The following CXorf38 variants were observed in gnomAD, a reference collection of about 807,000 sequenced individuals.
The protein encoded by CXorf38 is uncharacterized protein CXorf38.
Under a neutral mutation model 27.5 loss-of-function variants are expected in CXorf38, and 13 were observed. The ratio of observed to expected loss-of-function variants is 0.47; its 90% CI spans 0.31 to 0.75. CXorf38 has a LOEUF of 0.75. Among genes scored for constraint, CXorf38 ranks in the 30% least tolerant of loss-of-function variants. CXorf38 has a pLI of 0.05. For synonymous variants in CXorf38, 100 were observed against 99.8 expected (o/e 1.00, Z -0.01); for missense variants, 240 against 253.2 (o/e 0.95, Z 0.35).
intron 2 of CXorf38, chrX:40,640,400 A>C: frequency 4.5e-6 from 1 of 220,498 alleles, no homozygotes; most frequent in Non-Finnish European, 8.4e-6. Context: ...TTGAAAACAC[A>C]TATCAATAGG....
At chrX:40,630,505 C>A in intron 6 of CXorf38, 109 bp downstream of exon 6, 1 of 794,762 alleles carries the variant, frequency 1.3e-6, no homozygotes, top group Non-Finnish European at 1.8e-6. Flanking sequence ...CAAAGGCAAA[C>A]TTCAGATTAG....
chrX:40,638,887 G>T, intron 3 of CXorf38, 122 bp downstream of exon 3: 1 of 810,251 alleles, frequency 1.2e-6, no homozygotes, highest in Non-Finnish European at 1.7e-6. Flanking sequence ...CCACTGTTCC[G>T]GGGAGCTACT....
chrX:40,632,239 C>A (rs1927850940), intron 5 of CXorf38, among the ~76,000 whole-genome samples: 1 of 111,684 alleles, frequency 9.0e-6, no homozygotes, highest in Non-Finnish European at 1.9e-5. Flanking sequence ...TGGACTTTTG[C>A]CCTCAGTGGG....
At position 40,630,917 on chromosome X, in the gene CXorf38, G is replaced by A. The variant is rs1201808694; in HGVS notation, c.802-144C>T. ...TCTTGGCTACAGGCATCTGTCCACAGACAGGTTAAAGTTTGAAAAACAAAA... is the reference window on the plus strand; with the variant it reads ...TCTTGGCTACAGGCATCTGTCCACAAACAGGTTAAAGTTTGAAAAACAAAA... On this transcript the variant is annotated intron_variant, in intron 5 of 6. Transcript: ENST00000327877. 4 of 451,037 alleles carry A rather than the reference G, an allele frequency of 8.9e-6. No individual in the cohort carries two copies. In the Admixed American group the frequency reaches 1.9e-4, roughly 22 times the overall value. 37.2% of individuals were successfully genotyped at this position (451,037 alleles called of 1,213,427 possible).
At chrX:40,631,252 TATACACAC>T (rs1440025317) in intron 5 of CXorf38, among the ~76,000 whole-genome samples, 683 of 37,636 alleles carry the variant, frequency 0.018, 4 homozygotes, top group African/African-American at 0.048. Flanking sequence ...TGTATATATA[TATACACAC>T]ACACACACAC....
rs1927726754 is a variant in CXorf38 at position 40,630,542 on chromosome X, C to G, written c.*1+72G>C. Reference sequence around the variant, plus strand: ...TTGTTGTGTGTTCATGATGGCCTCACATGAGAGAATAGACATGAAAGAGAT... The same window carrying G: ...TTGTTGTGTGTTCATGATGGCCTCAGATGAGAGAATAGACATGAAAGAGAT... On this transcript the variant is annotated intron_variant, in intron 6 of 6. Coordinates refer to ENST00000327877, the MANE Select transcript of CXorf38 (RefSeq NM_144970.3). 6 of 1,014,283 alleles carry G rather than the reference C, an allele frequency of 5.9e-6. No individual in the cohort carries two copies. The South Asian group carries it at 1.4e-4, about 23-fold the overall frequency. 83.6% of individuals were successfully genotyped at this position (1,014,283 alleles called of 1,213,427 possible). A position where few individuals can be genotyped will look rare whatever the true frequency, so the allele number is the denominator to read the frequency against.
rs868047140 is a variant in CXorf38, at chrX:40,631,245, A to G, written c.802-472T>C. On this transcript the variant is annotated intron_variant, in intron 5 of 6. Transcript: ENST00000327877. ...CATGTGTATATATATGTGTGTATGT[A>G]TATATATATACACACACACACACAC... Among the ~76,000 whole-genome samples, 31 of 47,003 alleles carry G rather than the reference A, an allele frequency of 6.6e-4. No homozygotes were observed. The Middle Eastern group carries it at 0.03, about 45-fold the overall frequency. 40.8% of individuals were successfully genotyped at this position (47,003 alleles called of 115,157 possible). A position where few individuals can be genotyped will look rare whatever the true frequency, so the allele number is the denominator to read the frequency against.
rs370423098 is a variant in CXorf38, at chrX:40,647,168, C to T, written c.217-27G>A. 9 of 1,206,456 alleles carry T rather than the reference C, an allele frequency of 7.5e-6. No individual in the cohort carries two copies. In the African/African-American group the frequency reaches 1.4e-4, roughly 19 times the overall value. On this transcript the variant is annotated intron_variant, in intron 1 of 6. Coordinates refer to ENST00000327877, the MANE Select transcript of CXorf38 (RefSeq NM_144970.3). ...TACAGGGGGCGGCGGTGAGGAGGGG[C>T]CCAGGAGGGAGGGACGTCGCGGTGG...
intron 3 of CXorf38, among the ~76,000 whole-genome samples, chrX:40,638,177 TCTTTAGAA>T (rs1928157559): frequency 8.9e-6 from 1 of 112,088 alleles, no homozygotes; most frequent in South Asian, 3.7e-4. Context: ...TTGGCCTCTA[TCTTTAGAA>T]AAATGGTCGT....
intron 2 of CXorf38, among the ~76,000 whole-genome samples, chrX:40,645,730 C>G (rs934966046): frequency 9.0e-6 from 1 of 111,060 alleles, no homozygotes; most frequent in Non-Finnish European, 1.9e-5. Flanking sequence ...GATCCTCTCA[C>G]CTCAGCCTCC....
chrX:40,636,999 A>AT lies in CXorf38; in HGVS notation c.621+7dup. 1 of 1,177,109 alleles carries AT rather than the reference A, an allele frequency of 8.5e-7. No homozygotes were observed. Reference sequence around the variant, plus strand: ...CTGTATGCCAGAACTATTAAACATGATTTTTACCTGTTCTATTCTGGAGTA... The same window carrying AT: ...CTGTATGCCAGAACTATTAAACATGATTTTTTACCTGTTCTATTCTGGAGTA... On this transcript the variant is annotated splice_region_variant and intron_variant, in intron 4 of 6. Coordinates refer to ENST00000327877, the MANE Select transcript of CXorf38 (RefSeq NM_144970.3).
chrX:40,630,797 T>C, intron 5 of CXorf38, 24 bp from the exon 6 acceptor site: 3 of 1,193,980 alleles, frequency 2.5e-6, no homozygotes, highest in Non-Finnish European at 3.4e-6. Context: ...CCATGCAATG[T>C]ACAGCTTAGA....
intron 5 of CXorf38, among the ~76,000 whole-genome samples, chrX:40,633,508 T>C (rs1048595633): frequency 1.8e-5 from 2 of 111,236 alleles, no homozygotes; most frequent in African/African-American, 6.6e-5. Context: ...TACCTTATTA[T>C]GTTTACTGTT....
At chrX:40,632,832 T>C (rs1410519282) in intron 5 of CXorf38, among the ~76,000 whole-genome samples, 1 of 111,896 alleles carries the variant, frequency 8.9e-6, no homozygotes, top group African/African-American at 3.3e-5. Context: ...CAACACCACC[T>C]AGGATTCTTA....
In CXorf38 at chrX:40,639,035, C is replaced by A. The variant is rs776378344; in HGVS notation, c.445G>T (p.Val149Leu). 1 of 1,210,979 alleles carries A rather than the reference C, an allele frequency of 8.3e-7. No homozygotes were observed. Among genetic ancestry groups the A allele is most frequent in the East Asian group, 3.0e-5 (1 of 33,817 alleles). ...LSLINSCDHF[V>L]VDRKKVTEVI... The stretch of plus-strand genomic sequence containing the variant: ...TCTGTGACTTTCTTTCGATCAACCA[C>A]GAAGTGATCGCAGGAGTTGATGAGA... The change falls in exon 3 of 7, where the codon GTG becomes TTG. Residue 149 changes from valine to leucine, a missense_variant. Val to Leu is a conservative substitution (Grantham distance 32). Coordinates refer to ENST00000327877, the MANE Select transcript of CXorf38 (RefSeq NM_144970.3).
chrX:40,627,617 C>CT lies in CXorf38; in HGVS notation c.*2546dup, dbSNP rs1376731875. On this transcript the variant is annotated 3_prime_UTR_variant, in exon 7 of 7. Coordinates refer to ENST00000327877, the MANE Select transcript of CXorf38 (RefSeq NM_144970.3). ...GATCCTGTAGTATGGATGTGCTACA[C>CT]TTTAACAGTGCTGCTGTACACATCC... 3.6e-5 allele frequency: 4 copies of CT among 112,596 alleles called. No homozygotes were observed. Among genetic ancestry groups the CT allele is most frequent in the African/African-American group, 1.3e-4 (4 of 30,972 alleles). 9.3% of individuals were successfully genotyped at this position (112,596 alleles called of 1,213,427 possible). A position where few individuals can be genotyped will look rare whatever the true frequency, so the allele number is the denominator to read the frequency against.
intron 5 of CXorf38, among the ~76,000 whole-genome samples, chrX:40,632,340 C>T (rs1927859102): frequency 8.9e-6 from 1 of 112,142 alleles, no homozygotes; most frequent in Admixed American, 9.4e-5. Flanking sequence ...CCTGCAGACT[C>T]TCAGGACTGA....
intron 2 of CXorf38, among the ~76,000 whole-genome samples, chrX:40,643,493 TTTC>T (rs1300524113): frequency 1.8e-5 from 2 of 110,975 alleles, no homozygotes; most frequent in Admixed American, 1.9e-4. Context: ...ATTCTGGATA[TTTC>T]TTTTCTTTTC....
At chrX:40,636,906 A>G in intron 4 of CXorf38, 101 bp downstream of exon 4, 2 of 895,994 alleles carry the variant, frequency 2.2e-6, no homozygotes, top group Non-Finnish European at 3.1e-6. Context: ...ACATTCTAAC[A>G]CTTAGGTTAA....
Sources: gnomAD v4.1 joint callset for allele counts (sites outside exome capture counted in the v4.1 genomes callset) on GRCh38, gnomAD v4.1.1 for gene constraint, MANE v1.5 for transcripts, NCBI Gene and HGNC (gene_info 2026-07-23, HGNC 2026-07-21) for gene names.